TXNRD3: variants seen among roughly 807,000 people sequenced by gnomAD.
The protein encoded by TXNRD3 is thioredoxin reductase 3.
In TXNRD3, 68 loss-of-function variants were observed where a neutral mutation model predicts 78.2. That is an observed-to-expected ratio of 0.87 (90% CI 0.72 to 1.06). TXNRD3 has a LOEUF of 1.06. Ranked by LOEUF, TXNRD3 falls within the 50% of genes least tolerant of loss-of-function variation. TXNRD3 has a pLI of 0.00. For missense variants in TXNRD3, 751 were observed against 809.5 expected (o/e 0.93, Z 0.88); for synonymous variants, 296 against 300.1 (o/e 0.99, Z 0.14).
At chr3:126,619,490 A>G (rs1938395935) in intron 12 of TXNRD3, among the ~76,000 whole-genome samples, 1 of 152,186 alleles carries the variant, frequency 6.6e-6, no homozygotes, top group Non-Finnish European at 1.5e-5. Context: ...TCTCACTCAT[A>G]TGTGGGAGCT....
intron 14 of TXNRD3, 147 bp from the exon 15 acceptor site, chr3:126,608,780 G>C (rs1938123456): frequency 1.1e-6 from 1 of 926,658 alleles, no homozygotes; most frequent in East Asian, 2.8e-5. Flanking sequence ...ACATTACCAT[G>C]AAACTAAGCC....
chr3:126,653,203 T>C, intron 1 of TXNRD3, among the ~76,000 whole-genome samples: 1 of 152,258 alleles, frequency 6.6e-6, no homozygotes, highest in Admixed American at 6.5e-5. Flanking sequence ...AACTTAACTC[T>C]TATTTCTATC....
intron 14 of TXNRD3, chr3:126,609,228 T>C (rs1398886158): frequency 2.8e-5 from 11 of 393,224 alleles, no homozygotes; most frequent in Non-Finnish European, 5.3e-5. Flanking sequence ...CATCAGATTA[T>C]CCTTCACTGT....
At chr3:126,629,602 A>G (rs1938664679) in intron 9 of TXNRD3, 131 bp from the exon 10 acceptor site, 1 of 614,730 alleles carries the variant, frequency 1.6e-6, no homozygotes, top group Non-Finnish European at 2.7e-6. Flanking sequence ...TGTTAGTATA[A>G]GGTTTCTGGA....
At chr3:126,621,453 C>T (rs1036819162) in intron 12 of TXNRD3, among the ~76,000 whole-genome samples, 3 of 152,232 alleles carry the variant, frequency 2.0e-5, no homozygotes, top group Non-Finnish European at 4.4e-5. Context: ...CACAACCACA[C>T]TCTGCCTTCT....
intron 10 of TXNRD3, among the ~76,000 whole-genome samples, chr3:126,628,931 T>G (rs1367787230): frequency 6.6e-6 from 1 of 152,156 alleles, no homozygotes; most frequent in African/African-American, 2.4e-5. Flanking sequence ...CTGTCAAAAC[T>G]ATAAACTAAT....
chr3:126,632,164 T>C (rs1310098487), intron 7 of TXNRD3, among the ~76,000 whole-genome samples: 1 of 151,920 alleles, frequency 6.6e-6, no homozygotes, highest in African/African-American at 2.4e-5. Flanking sequence ...AATGAAATGA[T>C]GGGAGAGGAA....
intron 1 of TXNRD3, among the ~76,000 whole-genome samples, chr3:126,649,897 T>C (rs1386292956): frequency 5.9e-5 from 9 of 152,180 alleles, no homozygotes; most frequent in Non-Finnish European, 2.9e-5. Context: ...TTTGGGAAGA[T>C]GAAAAAGTTC....
intron 1 of TXNRD3, among the ~76,000 whole-genome samples, chr3:126,654,529 A>G (rs1422967841): frequency 6.6e-6 from 1 of 152,226 alleles, no homozygotes; most frequent in East Asian, 1.9e-4. Flanking sequence ...ACAGGGTCCT[A>G]ACCCGGGTCG....
intron 14 of TXNRD3, among the ~76,000 whole-genome samples, chr3:126,609,400 A>G (rs998615920): frequency 6.6e-6 from 1 of 152,140 alleles, no homozygotes; most frequent in African/African-American, 2.4e-5. Flanking sequence ...TCCAGAGGGG[A>G]GGCAGGCAGA....
At chr3:126,653,725 T>C (rs1342105694) in intron 1 of TXNRD3, among the ~76,000 whole-genome samples, 6 of 152,236 alleles carry the variant, frequency 3.9e-5, no homozygotes, top group Admixed American at 2.0e-4. Context: ...AAGTCTTTTA[T>C]AAATGCGCTG....
chr3:126,625,714 C>T (rs185233190), intron 10 of TXNRD3, among the ~76,000 whole-genome samples: 81 of 152,174 alleles, frequency 5.3e-4, no homozygotes, highest in Admixed American at 9.8e-4. Context: ...GTTCAAGAAC[C>T]GTGAGGAATT....
chr3:126,622,668 G>T lies in TXNRD3; in HGVS notation c.1291-128C>A. 8 of 680,904 alleles carry T rather than the reference G, an allele frequency of 1.2e-5. 2 individuals are homozygous for T. The South Asian group carries it at 1.7e-4, about 15-fold the overall frequency. 42.2% of individuals were successfully genotyped at this position (680,904 alleles called of 1,614,324 possible). A position where few individuals can be genotyped will look rare whatever the true frequency, so the allele number is the denominator to read the frequency against. On this transcript the variant is annotated intron_variant, in intron 10 of 15. Transcript: ENST00000524230. ...ATTACAAACAATCTATGCCAATAAA[G>T]CTGACAGCTTAAGGTGAAATAGATT...
chr3:126,609,295 G>A (rs553066749), intron 14 of TXNRD3: 50 of 229,734 alleles, frequency 2.2e-4, no homozygotes, highest in South Asian at 2.1e-3. Flanking sequence ...AAAGGGCAAC[G>A]GAGGCCAGGG....
intron 6 of TXNRD3, among the ~76,000 whole-genome samples, chr3:126,639,047 C>T (rs1457340393): frequency 2.6e-5 from 4 of 152,204 alleles, no homozygotes; most frequent in African/African-American, 9.7e-5. Context: ...GTCTCCAACA[C>T]AGAGTGAGTG....
intron 13 of TXNRD3, among the ~76,000 whole-genome samples, chr3:126,613,901 G>A (rs1043805577): frequency 6.6e-6 from 1 of 152,208 alleles, no homozygotes; most frequent in Non-Finnish European, 1.5e-5. Flanking sequence ...TAAATTAACT[G>A]TAAAACTGCC....
At chr3:126,621,072 T>C (rs1938445755) in intron 12 of TXNRD3, among the ~76,000 whole-genome samples, 1 of 152,316 alleles carries the variant, frequency 6.6e-6, no homozygotes, top group South Asian at 2.1e-4. Context: ...GGTCTCTGCG[T>C]CCTTAGCCGA....
intron 10 of TXNRD3, among the ~76,000 whole-genome samples, chr3:126,627,975 A>G (rs145710697): frequency 2.6e-5 from 4 of 152,334 alleles, no homozygotes; most frequent in African/African-American, 9.6e-5. Context: ...ATTCTAAATA[A>G]CGAAGTCCAA....
intron 1 of TXNRD3, among the ~76,000 whole-genome samples, chr3:126,650,373 T>C (rs1254328223): frequency 6.7e-5 from 10 of 148,426 alleles, no homozygotes; most frequent in African/African-American, 2.5e-4. Context: ...CCAGGCACGG[T>C]GGCTCACACC....
Sources: allele counts gnomAD v4.1 joint callset (sites outside exome capture counted in the v4.1 genomes callset), GRCh38; gene constraint gnomAD v4.1.1; transcripts MANE v1.5; gene names NCBI Gene and HGNC (gene_info 2026-07-23, HGNC 2026-07-21).